Variants in FCAMR observed in about 807,000 individuals in gnomAD.
FCAMR encodes high affinity immunoglobulin alpha and immunoglobulin mu Fc receptor.
Under a neutral mutation model 52.2 loss-of-function variants are expected in FCAMR, and 51 were observed. The ratio of observed to expected loss-of-function variants is 0.98; its 90% CI spans 0.78 to 1.23. FCAMR has a LOEUF of 1.23. FCAMR is among the 50% of genes most tolerant of loss of function. FCAMR has a pLI of 0.00. For missense variants in FCAMR, 719 were observed against 712.6 expected, an observed-to-expected ratio of 1.01 and a Z score of -0.10; for synonymous variants, 282 against 262.0, an observed-to-expected ratio of 1.08 and a Z score of -0.74.
At chr1:206,959,194 C>T (rs1476556284) in intron 7 of FCAMR, among the ~76,000 whole-genome samples, 2 of 152,078 alleles carry the variant, frequency 1.3e-5, no homozygotes, top group African/African-American at 4.8e-5. Flanking sequence ...TGATTAAAAA[C>T]CAAGGCAGTT....
chr1:206,959,527 G>A, intron 7 of FCAMR, 152 bp downstream of exon 7: 38 of 501,812 alleles, frequency 7.6e-5, no homozygotes, highest in East Asian at 2.2e-4. Context: ...AGAAAGAAAA[G>A]AAACCAAGGC....
At position 206,962,328 on chromosome 1, in the gene FCAMR, G is replaced by A. The variant is rs139272162; in HGVS notation, c.537C>T (p.Gly179=). Reference sequence around the variant, plus strand: ...GTTGGGACAGCCTCACCACAAACAAGCCTCTCTGTGGAAAGTCTGTGAGGG... The same window carrying A: ...GTTGGGACAGCCTCACCACAAACAAACCTCTCTGTGGAAAGTCTGTGAGGG... ...RVALTDFPQR[G]LFVVRLSQLS... is the part of the protein sequence containing the mutation. Residue 179 remains glycine, a synonymous_variant, in exon 5 of 8, where the codon GGC becomes GGT. Transcript: ENST00000324852. 1.8e-4 allele frequency: 285 copies of A among 1,614,230 alleles called. No individual in the cohort carries two copies. The East Asian group carries it at 2.8e-3, about 16-fold the overall frequency.
chr1:206,965,715 C>A lies in FCAMR; in HGVS notation c.313G>T (p.Ala105Ser), dbSNP rs1208840682. ...AACAAAGGGAGAGTAGGGGTTGTACCTGCAAAGGAGCTCTCCTCCCGCCAG... is the reference window on the plus strand; with the variant it reads ...AACAAAGGGAGAGTAGGGGTTGTACATGCAAAGGAGCTCTCCTCCCGCCAG... Reference protein sequence around the residue: ...LCWREESSFAAPNSLKGSRLV... With the variant: ...LCWREESSFASPNSLKGSRLV... Residue 105 changes from alanine to serine, a missense_variant and splice_region_variant, in exon 4 of 8, where the codon GCT becomes TCT. Coordinates refer to ENST00000324852, the MANE Select transcript of FCAMR (RefSeq NM_001170631.2). The A allele has an allele frequency of 3.8e-6, 6 of 1,567,258 alleles. No individual in the cohort carries two copies. The highest frequency in any genetic ancestry group is 1.4e-5 in the African/African-American group (1 of 72,168).
chr1:206,962,280 G>A lies in FCAMR; in HGVS notation c.585C>T (p.Cys195=), dbSNP rs202042926. Residue 195 remains cysteine (C), a synonymous_variant, in exon 5 of 8, where the codon TGC becomes TGT. Coordinates refer to ENST00000324852, the MANE Select transcript of FCAMR (RefSeq NM_001170631.2). ...LSQLSPDDIG[C]YLCGIGSENN... ...TTTCACTTCCAATGCCGCAGAGGTA[G>A]CATCCGATGTCATCCGGGGACAGTT... 1,649 of 1,614,198 alleles carry A rather than the reference G, an allele frequency of 1.0e-3. 2 individuals are homozygous for A. Among genetic ancestry groups the A allele is most frequent in the Non-Finnish European group, 1.2e-3 (1,395 of 1,180,034 alleles).
intron 4 of FCAMR, among the ~76,000 whole-genome samples, chr1:206,964,842 T>C (rs1256549923): frequency 2.0e-5 from 3 of 152,120 alleles, no homozygotes; most frequent in Non-Finnish European, 4.4e-5. Context: ...AAAATGAAAA[T>C]GCAGGACTTC....
chr1:206,959,865 T>C (rs1680430898), intron 6 of FCAMR, 68 bp from the exon 7 acceptor site: 1 of 1,247,456 alleles, frequency 8.0e-7, no homozygotes, highest in Non-Finnish European at 1.2e-6. Context: ...AAAGACCATT[T>C]ACCCACATCC....
chr1:206,969,317 G>T, intron 1 of FCAMR: 1 of 456,454 alleles, frequency 2.2e-6, no homozygotes, highest in Non-Finnish European at 4.4e-6. Context: ...GCAGGAGTAT[G>T]AGATAAAATG....
Position 206,962,345 on chromosome 1 carries a change from C to CT in FCAMR, c.519dup (p.Asp174ArgfsTer19). The CT allele has an allele frequency of 6.2e-7, 1 of 1,614,232 alleles. No homozygotes were observed. Among genetic ancestry groups the CT allele is most frequent in the Non-Finnish European group, 8.5e-7 (1 of 1,180,040 alleles). On this transcript the variant is annotated frameshift_variant, in exon 5 of 8. Transcript: ENST00000324852. LOFTEE classifies it high-confidence loss of function. The stretch of plus-strand genomic sequence containing the variant: ...ACAAACAAGCCTCTCTGTGGAAAGT[C>CT]TGTGAGGGCCACACGGTCACGATAG...
At position 206,960,862 on chromosome 1, in the gene FCAMR, A is replaced by C; in HGVS notation, c.1014T>G (p.Ala338=). Residue 338 remains alanine, a synonymous_variant, in exon 6 of 8, where the codon GCT becomes GCG. Coordinates refer to ENST00000324852, the MANE Select transcript of FCAMR (RefSeq NM_001170631.2). ...TCTCCCTCCTGTCCTTGCTGGCTCT[A>C]GCCCTGTTTGTCACCGAGCTTCTGG... ...EGTRSSVTNR[A]RASKDRREMT... 1.9e-6 allele frequency: 3 copies of C among 1,552,294 alleles called. No homozygotes were observed. Among genetic ancestry groups the C allele is most frequent in the Non-Finnish European group, 2.6e-6 (3 of 1,147,128 alleles).
intron 3 of FCAMR, 160 bp from the exon 4 acceptor site, chr1:206,966,018 C>T (rs1418469716): frequency 1.0e-5 from 9 of 884,972 alleles, no homozygotes; most frequent in Non-Finnish European, 1.6e-5. Context: ...GCAGCTTCTC[C>T]CTCCCACTGC....
intron 6 of FCAMR, 105 bp downstream of exon 6, chr1:206,960,317 G>T: frequency 8.4e-7 from 1 of 1,193,824 alleles, no homozygotes; most frequent in Non-Finnish European, 1.2e-6. Flanking sequence ...ACTGTCTTGT[G>T]GGTACAAAGG....
At chr1:206,964,541 T>A (rs1305797546) in intron 4 of FCAMR, among the ~76,000 whole-genome samples, 1 of 152,002 alleles carries the variant, frequency 6.6e-6, no homozygotes, top group African/African-American at 2.4e-5. Flanking sequence ...TATTTCTCAG[T>A]TCACATGAGA....
chr1:206,958,644 T>C lies in FCAMR; in HGVS notation c.1606A>G (p.Met536Val). The C allele has an allele frequency of 1.2e-6, 2 of 1,614,070 alleles. No homozygotes were observed. Among genetic ancestry groups the C allele is most frequent in the Non-Finnish European group, 1.7e-6 (2 of 1,180,032 alleles). ...GGGTTCACTTCCAGAAAATGTGTCATCTGAATTAAGGTGACCCTTTCTGCC... is the reference window on the plus strand; with the variant it reads ...GGGTTCACTTCCAGAAAATGTGTCACCTGAATTAAGGTGACCCTTTCTGCC... ...QEAERVTLIQ[M>V]THFLEVNPQA... Residue 536 changes from methionine to valine, a missense_variant, in exon 8 of 8, where the codon ATG becomes GTG. By Grantham distance (21) the Met-to-Val change is conservative. Coordinates refer to ENST00000324852, the MANE Select transcript of FCAMR (RefSeq NM_001170631.2).
rs1033609843 is a variant in FCAMR at position 206,970,210 on chromosome 1, A to C, written c.-85T>G. 79 of 1,490,812 alleles carry C rather than the reference A, an allele frequency of 5.3e-5. No individual in the cohort carries two copies. The highest frequency in any genetic ancestry group is 7.2e-5 in the Non-Finnish European group (77 of 1,075,682). 92.3% of individuals were successfully genotyped at this position (1,490,812 alleles called of 1,614,324 possible). A position where few individuals can be genotyped will look rare whatever the true frequency, so the allele number is the denominator to read the frequency against. ...GGACGACTTCTAGTTGCTCTCCTTT[A>C]AACCTGGAGACTGAGAAGTCAAGGT... is the stretch of plus-strand genomic sequence containing the variant. On this transcript the variant is annotated 5_prime_UTR_variant, in exon 1 of 8. Coordinates refer to ENST00000324852, the MANE Select transcript of FCAMR (RefSeq NM_001170631.2).
In FCAMR at chr1:206,961,175, G is replaced by A. The variant is rs1253506824; in HGVS notation, c.701C>T (p.Thr234Ile). The A allele has an allele frequency of 5.2e-6, 8 of 1,551,582 alleles. No homozygotes were observed. Among genetic ancestry groups the A allele is most frequent in the Non-Finnish European group, 7.0e-6 (8 of 1,146,928 alleles). ...AGACGCTGTTCCATAGGATCTCATG[G>A]TGAGCTCCCCAGCAGCTGGAGTGGC... ...PTATPAAGEL[T>I]MRSYGTASPV... is the part of the protein sequence containing the mutation. The change falls in exon 6 of 8, where the codon ACC becomes ATC. Residue 234 changes from threonine (T) to isoleucine (I), a missense_variant. Physicochemically the swap from Thr to Ile is moderately conservative, Grantham distance 89. Transcript: ENST00000324852.
In FCAMR at chr1:206,962,417, A is replaced by G; in HGVS notation, c.448T>C (p.Trp150Arg). The G allele has an allele frequency of 1.2e-6, 2 of 1,614,178 alleles. No individual in the cohort carries two copies. Among genetic ancestry groups the G allele is most frequent in the East Asian group, 2.2e-5 (1 of 44,890 alleles). ...KYWCRLGPPRWICQTIVSTNQ... is the reference protein window; with the variant it reads ...KYWCRLGPPRRICQTIVSTNQ... Reference sequence around the variant, plus strand: ...GTGGACACAATGGTCTGGCAGATCCATCTTGGGGGCCCCAGACGGCACCAG... The same window carrying G: ...GTGGACACAATGGTCTGGCAGATCCGTCTTGGGGGCCCCAGACGGCACCAG... The change falls in exon 5 of 8, where the codon TGG becomes CGG. Residue 150 changes from tryptophan to arginine, a missense_variant. By Grantham distance (101) the Trp-to-Arg change is moderately radical. Transcript: ENST00000324852.
chr1:206,958,420 A>ATG lies in FCAMR; in HGVS notation c.*95_*96insCA. The ATG allele has an allele frequency of 7.5e-7, 1 of 1,338,752 alleles. No homozygotes were observed. Among genetic ancestry groups the ATG allele is most frequent in the Non-Finnish European group, 1.0e-6 (1 of 996,030 alleles). The allele number at this position is 1,338,752 out of a possible 1,614,324, so 82.9% of individuals were successfully genotyped here. On this transcript the variant is annotated 3_prime_UTR_variant, in exon 8 of 8. Coordinates refer to ENST00000324852, the MANE Select transcript of FCAMR (RefSeq NM_001170631.2). ...CGGCTGCATCAGCTTCTCTTCCCAC[A>ATG]GGTGGAGGAAGGATGATGGAAAGAG...
intron 4 of FCAMR, 51 bp downstream of exon 4, chr1:206,965,664 C>T (rs1572665983): frequency 1.3e-6 from 2 of 1,508,428 alleles, no homozygotes; most frequent in Non-Finnish European, 1.8e-6. Context: ...TCTGAGAGAG[C>T]CTGGGAAGTC....
rs547476604 is a variant in FCAMR at position 206,966,381 on chromosome 1, T to TTTTTTGTTTTTG, written c.170-535_170-524dup. Among the ~76,000 whole-genome samples, 3 of 152,104 alleles carry TTTTTTGTTTTTG rather than the reference T, an allele frequency of 2.0e-5. No individual in the cohort carries two copies. The East Asian group carries it at 5.8e-4, about 29-fold the overall frequency. On this transcript the variant is annotated intron_variant, in intron 3 of 7. Coordinates refer to ENST00000324852, the MANE Select transcript of FCAMR (RefSeq NM_001170631.2). ...AGTGCTTACTCAAATATTGGCTACATTTTTTGTTTTTGTTTTTGTTTTGAG... is the reference window on the plus strand; with the variant it reads ...AGTGCTTACTCAAATATTGGCTACATTTTTTGTTTTTGTTTTTGTTTTTGTTTTTGTTTTGAG...
Sources: allele counts gnomAD v4.1 joint callset (sites outside exome capture counted in the v4.1 genomes callset), GRCh38; gene constraint gnomAD v4.1.1; transcripts MANE v1.5; gene names NCBI Gene and HGNC (gene_info 2026-07-23, HGNC 2026-07-21).